EPHA5: variants seen among roughly 807,000 people sequenced by gnomAD.
EPHA5 encodes EPH receptor A5.
In EPHA5, 60 loss-of-function variants were observed where a neutral mutation model predicts 105.0. The observed-to-expected ratio is 0.57, with a 90% CI of 0.46 to 0.71. The LOEUF (loss-of-function observed/expected upper bound fraction) is 0.71. Ranked by LOEUF, EPHA5 falls within the 30% of genes least tolerant of loss-of-function variation. The pLI is 0.00. For missense variants in EPHA5, 1,218 were observed against 1,274.7 expected (o/e 0.96, Z 0.68); for synonymous variants, 513 against 449.1 (o/e 1.14, Z -1.80).
At chr4:65,667,911 A>G (rs1750090870) in intron 1 of EPHA5, among the ~76,000 whole-genome samples, 1 of 152,174 alleles carries the variant, frequency 6.6e-6, no homozygotes, top group South Asian at 2.1e-4. Flanking sequence ...ACAGTTAATA[A>G]AAGAGCCTCC....
intron 1 of EPHA5, among the ~76,000 whole-genome samples, chr4:65,658,299 G>T (rs1749249179): frequency 6.6e-6 from 1 of 152,096 alleles, no homozygotes; most frequent in South Asian, 2.1e-4. Context: ...ACAGGCAGGA[G>T]AGGTGGGCCA....
intron 5 of EPHA5, among the ~76,000 whole-genome samples, chr4:65,485,073 T>C (rs1302792673): frequency 1.3e-5 from 2 of 151,714 alleles, no homozygotes; most frequent in African/African-American, 4.8e-5. Flanking sequence ...AAGAGCTAAA[T>C]AATTTTATTC....
At chr4:65,666,518 T>C (rs533468635) in intron 1 of EPHA5, among the ~76,000 whole-genome samples, 3 of 152,334 alleles carry the variant, frequency 2.0e-5, no homozygotes, top group Admixed American at 2.0e-4. Context: ...CTTTACTTAC[T>C]AAATTTATTT....
At chr4:65,544,678 A>G (rs1353661902) in intron 3 of EPHA5, among the ~76,000 whole-genome samples, 2 of 152,012 alleles carry the variant, frequency 1.3e-5, no homozygotes, top group Non-Finnish European at 2.9e-5. Flanking sequence ...CAATTCCTCA[A>G]AGGTCTAGAA....
intron 3 of EPHA5, among the ~76,000 whole-genome samples, chr4:65,520,623 A>G (rs1734600212): frequency 1.3e-5 from 2 of 152,102 alleles, no homozygotes; most frequent in South Asian, 2.1e-4. Context: ...TTTGCAATCT[A>G]CTCATCTGAG....
intron 5 of EPHA5, among the ~76,000 whole-genome samples, chr4:65,442,130 C>G (rs906324053): frequency 6.6e-6 from 1 of 152,042 alleles, no homozygotes; most frequent in African/African-American, 2.4e-5. Flanking sequence ...TGCCACCCCC[C>G]CGCCACAACA....
chr4:65,607,181 GT>G (rs199759814), intron 2 of EPHA5, among the ~76,000 whole-genome samples: 5,748 of 151,532 alleles, frequency 0.038, 360 homozygotes, highest in African/African-American at 0.13. Flanking sequence ...ACTCACTGAT[GT>G]TTTTTTTAAA....
chr4:65,529,985 A>G (rs1735612836), intron 3 of EPHA5, among the ~76,000 whole-genome samples: 1 of 152,128 alleles, frequency 6.6e-6, no homozygotes, highest in Admixed American at 6.6e-5. Context: ...AGCAATGACA[A>G]TATCTATCAA....
At chr4:65,464,027 GACT>G (rs1023906932) in intron 5 of EPHA5, among the ~76,000 whole-genome samples, 1 of 151,596 alleles carries the variant, frequency 6.6e-6, no homozygotes, top group Non-Finnish European at 1.5e-5. Context: ...TAAATATTAA[GACT>G]ACAACAAGAG....
At chr4:65,394,311 T>C (rs1721002446) in intron 8 of EPHA5, among the ~76,000 whole-genome samples, 2 of 152,136 alleles carry the variant, frequency 1.3e-5, no homozygotes, top group Admixed American at 1.3e-4. Flanking sequence ...ACACAAAAGT[T>C]CAAAAGTTGA....
intron 3 of EPHA5, among the ~76,000 whole-genome samples, chr4:65,520,814 A>T (rs1473517044): frequency 6.6e-6 from 1 of 152,206 alleles, no homozygotes; most frequent in African/African-American, 2.4e-5. Context: ...GCAAATCAAA[A>T]CCACAATGAG....
intron 3 of EPHA5, among the ~76,000 whole-genome samples, chr4:65,514,975 G>C (rs538132808): frequency 6.6e-6 from 1 of 151,802 alleles, no homozygotes; most frequent in Non-Finnish European, 1.5e-5. Context: ...CAAATCAAAC[G>C]TTGTGATTAT....
chr4:65,491,201 G>A (rs1054051850), intron 4 of EPHA5, among the ~76,000 whole-genome samples: 2 of 150,306 alleles, frequency 1.3e-5, no homozygotes, highest in Admixed American at 6.6e-5. Flanking sequence ...AAAAACCTTA[G>A]CATGCTTCAA....
rs200521084 is a variant in EPHA5, at chr4:65,595,581, A to ATT, written c.910+6058_910+6059dup. ...TAATTTTTATATAATATCTCACAAG[A>ATT]TTTTTTTTTTTTTTTTTGAGACGGA... is the stretch of plus-strand genomic sequence containing the variant. On this transcript the variant is annotated intron_variant, in intron 3 of 16. Transcript: ENST00000613740. Among the ~76,000 whole-genome samples, 496 of 98,456 alleles carry ATT rather than the reference A, an allele frequency of 5.0e-3. 6 individuals carry two copies. The highest frequency in any genetic ancestry group is 0.014 in the African/African-American group (470 of 33,734). 64.6% of individuals were successfully genotyped at this position (98,456 alleles called of 152,430 possible).
At chr4:65,491,869 G>C (rs922817273) in intron 4 of EPHA5, among the ~76,000 whole-genome samples, 2 of 151,984 alleles carry the variant, frequency 1.3e-5, no homozygotes, top group Non-Finnish European at 2.9e-5. Context: ...TCTAACACTA[G>C]AGTCAATGTT....
At chr4:65,462,930 A>G (rs1489661895) in intron 5 of EPHA5, among the ~76,000 whole-genome samples, 1 of 152,196 alleles carries the variant, frequency 6.6e-6, no homozygotes, top group African/African-American at 2.4e-5. Flanking sequence ...ATCTCTGAAT[A>G]AAAGCAGAAT....
intron 2 of EPHA5, among the ~76,000 whole-genome samples, chr4:65,626,640 C>T (rs1021200992): frequency 6.6e-6 from 1 of 152,110 alleles, no homozygotes; most frequent in Admixed American, 6.5e-5. Flanking sequence ...AGGTTATATG[C>T]CATTATGGCC....
At chr4:65,496,563 C>T (rs1467918815) in intron 3 of EPHA5, among the ~76,000 whole-genome samples, 1 of 151,468 alleles carries the variant, frequency 6.6e-6, no homozygotes, top group Non-Finnish European at 1.5e-5. Flanking sequence ...ATGAACTCAT[C>T]ATTTTTTATG....
chr4:65,446,591 C>A (rs1459117492), intron 5 of EPHA5, among the ~76,000 whole-genome samples: 3 of 152,144 alleles, frequency 2.0e-5, no homozygotes, highest in South Asian at 2.1e-4. Context: ...CCTGAAGAAT[C>A]AGGCAAGTCT....
Sources: gnomAD v4.1 joint callset for allele counts (sites outside exome capture counted in the v4.1 genomes callset) on GRCh38, gnomAD v4.1.1 for gene constraint, MANE v1.5 for transcripts, NCBI Gene and HGNC (gene_info 2026-07-23, HGNC 2026-07-21) for gene names.